The following LOC128462377 variants were observed in gnomAD, a reference collection of about 807,000 sequenced individuals.
the LOC128462377 span, among the ~76,000 whole-genome samples, chr16:89,404,403 G>C: frequency 3.9e-5 from 6 of 152,214 alleles, no homozygotes; most frequent in African/African-American, 1.2e-4. Context: ...ACACTGAAAA[G>C]GTACAACCCT....
At chr16:89,396,195 A>G in the LOC128462377 span, 1 of 152,236 alleles carries the variant, frequency 6.6e-6, no homozygotes, top group African/African-American at 2.4e-5. Flanking sequence ...GAAGAACTAA[A>G]AGTCTCCCTG....
the LOC128462377 span, among the ~76,000 whole-genome samples, chr16:89,356,607 TA>T: frequency 8.1e-6 from 1 of 123,580 alleles, no homozygotes; most frequent in Admixed American, 8.3e-5. Flanking sequence ...CCATCTCTAC[TA>T]AAAATACAAA....
the LOC128462377 span, among the ~76,000 whole-genome samples, chr16:89,371,576 AG>A: frequency 6.6e-6 from 1 of 152,178 alleles, no homozygotes; most frequent in Non-Finnish European, 1.5e-5. Flanking sequence ...AGGAAGGTCC[AG>A]GCAGGCGCCG....
At chr16:89,414,114 G>A in the LOC128462377 span, among the ~76,000 whole-genome samples, 425 of 152,306 alleles carry the variant, frequency 2.8e-3, 2 homozygotes, top group Admixed American at 6.2e-3. Flanking sequence ...ACACTGAGGC[G>A]CACGATCGCA....
At chr16:89,379,721 T>G in the LOC128462377 span, among the ~76,000 whole-genome samples, 1 of 152,208 alleles carries the variant, frequency 6.6e-6, no homozygotes, top group East Asian at 1.9e-4. Context: ...GTGCACGGAT[T>G]TGCGAAGAAC....
At chr16:89,394,359 T>C in the LOC128462377 span, among the ~76,000 whole-genome samples, 694 of 152,318 alleles carry the variant, frequency 4.6e-3, 8 homozygotes, top group Non-Finnish European at 7.4e-3. Flanking sequence ...CCAGGCACAG[T>C]GGCTCCCGCC....
At chr16:89,391,619 G>A in the LOC128462377 span, among the ~76,000 whole-genome samples, 1 of 152,168 alleles carries the variant, frequency 6.6e-6, no homozygotes, top group Non-Finnish European at 1.5e-5. Flanking sequence ...AATACATGAA[G>A]TCAAGCTACA....
the LOC128462377 span, among the ~76,000 whole-genome samples, chr16:89,326,782 C>T: frequency 6.6e-6 from 1 of 152,132 alleles, no homozygotes; most frequent in African/African-American, 2.4e-5. Flanking sequence ...ACAACCGGGG[C>T]ATGAAAAAGT....
At chr16:89,402,460 G>C in the LOC128462377 span, among the ~76,000 whole-genome samples, 2 of 152,030 alleles carry the variant, frequency 1.3e-5, no homozygotes, top group Non-Finnish European at 1.5e-5. Flanking sequence ...CGGGAAGATC[G>C]GTTGACTCCA....
chr16:89,417,778 C>T, the LOC128462377 span, among the ~76,000 whole-genome samples: 70 of 151,954 alleles, frequency 4.6e-4, 2 homozygotes, highest in East Asian at 0.011. Flanking sequence ...AGCAAGACCA[C>T]CAGGATCCTA....
At chr16:89,344,557 T>C in the LOC128462377 span, among the ~76,000 whole-genome samples, 1 of 152,220 alleles carries the variant, frequency 6.6e-6, no homozygotes, top group Non-Finnish European at 1.5e-5. Context: ...CTCCTCCTTG[T>C]CTGAACGCTG....
chr16:89,350,640 A>G, the LOC128462377 span, among the ~76,000 whole-genome samples: 2 of 152,250 alleles, frequency 1.3e-5, no homozygotes, highest in Non-Finnish European at 2.9e-5. Context: ...TCCAGGAAAT[A>G]GGATGACATG....
chr16:89,355,621 C>T, the LOC128462377 span, among the ~76,000 whole-genome samples: 14 of 152,176 alleles, frequency 9.2e-5, no homozygotes, highest in East Asian at 2.7e-3. Context: ...GTCACAGTAT[C>T]GCCAGGATCA....
At chr16:89,356,615 C>CA in the LOC128462377 span, among the ~76,000 whole-genome samples, 6,733 of 113,248 alleles carry the variant, frequency 0.059, 236 homozygotes, top group African/African-American at 0.11. Flanking sequence ...ACTAAAAATA[C>CA]AAAAAAAAAA....
chr16:89,329,547 C>T, the LOC128462377 span, among the ~76,000 whole-genome samples: 2 of 152,042 alleles, frequency 1.3e-5, no homozygotes, highest in Non-Finnish European at 2.9e-5. Flanking sequence ...AATTTTATGT[C>T]AATTGTAATT....
chr16:89,318,796 G>C, the LOC128462377 span, among the ~76,000 whole-genome samples: 16 of 152,366 alleles, frequency 1.1e-4, no homozygotes, highest in Admixed American at 3.3e-4. Flanking sequence ...ATTCTGGAGA[G>C]AGGGACAGGT....
the LOC128462377 span, among the ~76,000 whole-genome samples, chr16:89,411,263 T>C: frequency 1.3e-5 from 2 of 152,224 alleles, no homozygotes; most frequent in African/African-American, 4.8e-5. Flanking sequence ...TTTGCTCTAC[T>C]TCTCTTTCAA....
chr16:89,385,374 C>G, the LOC128462377 span, among the ~76,000 whole-genome samples: 1 of 150,776 alleles, frequency 6.6e-6, no homozygotes, highest in Non-Finnish European at 1.5e-5. Flanking sequence ...GGTGATCCAC[C>G]CGCTTCAGCC....
At chr16:89,319,250 CGA>C in the LOC128462377 span, among the ~76,000 whole-genome samples, 3 of 152,290 alleles carry the variant, frequency 2.0e-5, no homozygotes, top group African/African-American at 7.2e-5. Context: ...GTCTGGGCCC[CGA>C]CAGTGCGGGG....
Sources: allele counts gnomAD v4.1 joint callset (sites outside exome capture counted in the v4.1 genomes callset), GRCh38; gene constraint gnomAD v4.1.1; transcripts MANE v1.5.